Variants in GDF1 observed in about 807,000 individuals in gnomAD.
GDF1 encodes growth differentiation factor 1, also known as embryonic growth/differentiation factor 1.
Under a neutral mutation model 7.4 loss-of-function variants are expected in GDF1, and 8 were observed. The ratio of observed to expected loss-of-function variants is 1.09; its 90% CI spans 0.64 to 1.96. The LOEUF (loss-of-function observed/expected upper bound fraction) is 1.96. Among genes scored for constraint, GDF1 ranks in the 30% most tolerant of loss-of-function variants. The pLI, the probability that GDF1 is intolerant of heterozygous loss-of-function variation, is 0.00. For synonymous variants in GDF1, 311 were observed against 276.7 expected, an observed-to-expected ratio of 1.12 and a Z score of -1.23; for missense variants, 574 against 551.5, an observed-to-expected ratio of 1.04 and a Z score of -0.41.
chr19:18,875,932 T>G (rs2056053035), intron 6 of GDF1, among the ~76,000 whole-genome samples: 1 of 152,254 alleles, frequency 6.6e-6, no homozygotes, highest in African/African-American at 2.4e-5. Context: ...ACCGCCCAGC[T>G]GACCTTGATT....
In GDF1 at chr19:18,878,137, G is replaced by A. The variant is rs1187818848; in HGVS notation, c.-313+793C>T. ...TCCCACGTCACCGATGGCCCCCACC[G>A]GCCAAATCAGAGGGCCTGGCTGGTC... On this transcript the variant is annotated intron_variant, in intron 6 of 7. Transcript: ENST00000247005. The surrounding 1 kb of genome is among the most constrained non-coding windows in gnomAD (Gnocchi z 4.6). The A allele has an allele frequency of 3.3e-5, 33 of 985,366 alleles. 1 individual carries two copies. Among genetic ancestry groups the A allele is most frequent in the Middle Eastern group, 5.2e-4 (1 of 1,936 alleles). 61.0% of individuals were successfully genotyped at this position (985,366 alleles called of 1,614,324 possible).
At chr19:18,894,104 G>A (rs1276723693) in intron 1 of GDF1, among the ~76,000 whole-genome samples, 1 of 151,734 alleles carries the variant, frequency 6.6e-6, no homozygotes, top group Non-Finnish European at 1.5e-5. Context: ...TGGGAACCTG[G>A]GGGCGATGAA....
In GDF1 at chr19:18,868,883, T is replaced by C; in HGVS notation, c.833A>G (p.Glu278Gly). Residue 278 changes from glutamate to glycine, a missense_variant, in exon 8 of 8, where the codon GAG (glutamate) becomes GGG (glycine). Glu to Gly is a moderately conservative substitution (Grantham distance 98). Transcript: ENST00000247005. ...RARRLYVSFR[E>G]VGWHRWVIAP... ...GATGACCCAGCGGTGCCAGCCCACC[T>C]CGCGGAAGCTCACGTACAGCCGCCG... 1.4e-6 allele frequency: 2 copies of C among 1,430,892 alleles called. No homozygotes were observed. Among genetic ancestry groups the C allele is most frequent in the South Asian group, 2.5e-5 (2 of 80,498 alleles). The allele number at this position is 1,430,892 out of a possible 1,614,324, so 88.6% of individuals were successfully genotyped here.
intron 7 of GDF1, 77 bp from the exon 8 acceptor site, chr19:18,869,467 G>A: frequency 6.7e-7 from 1 of 1,490,806 alleles, no homozygotes; most frequent in Non-Finnish European, 8.9e-7. Flanking sequence ...GGGACAGGGA[G>A]GAAGGTGAAC....
At chr19:18,889,335 A>C (rs554274719) in intron 2 of GDF1, among the ~76,000 whole-genome samples, 43 of 152,150 alleles carry the variant, frequency 2.8e-4, no homozygotes, top group Non-Finnish European at 2.8e-4. Flanking sequence ...CCACCTTTCC[A>C]ACAGAGGCCC....
rs371463042 is a variant in GDF1 at position 18,878,932 on chromosome 19, G to A, written c.-315C>T. On this transcript the variant is annotated splice_region_variant and 5_prime_UTR_variant, in exon 6 of 8. Transcript: ENST00000247005. This position sits in a 1 kb window ranked among gnomAD's most constrained non-coding sequence, Gnocchi z 4.6. The stretch of plus-strand genomic sequence containing the variant: ...GGTGCGGGCCCCTCCACACTCACTC[G>A]GCTTTGCTGGGCTTCAGGCTCTGGG... 1.9e-5 allele frequency: 31 copies of A among 1,613,498 alleles called. No homozygotes were observed. Among genetic ancestry groups the A allele is most frequent in the South Asian group, 5.5e-5 (5 of 91,046 alleles).
chr19:18,894,134 G>A (rs2056566555), intron 1 of GDF1, among the ~76,000 whole-genome samples: 1 of 151,854 alleles, frequency 6.6e-6, no homozygotes, highest in South Asian at 2.1e-4. Context: ...GGGGCTGGAG[G>A]CAGAAAAAGG....
chr19:18,885,146 T>G (rs2056318191), intron 2 of GDF1, among the ~76,000 whole-genome samples: 1 of 152,182 alleles, frequency 6.6e-6, no homozygotes, highest in Non-Finnish European at 1.5e-5. Flanking sequence ...AAGTGGTATA[T>G]TTGCTACAAA....
chr19:18,875,244 A>G (rs1027807387), intron 6 of GDF1, among the ~76,000 whole-genome samples: 15 of 151,626 alleles, frequency 9.9e-5, no homozygotes, highest in Admixed American at 7.9e-4. Flanking sequence ...TAAAAAAAAA[A>G]AAAAAGAAAG....
At chr19:18,885,581 G>A (rs1355400150) in intron 2 of GDF1, among the ~76,000 whole-genome samples, 12 of 149,484 alleles carry the variant, frequency 8.0e-5, no homozygotes, top group African/African-American at 3.0e-4. Flanking sequence ...GTGCAGTGGC[G>A]GGATCTCGGC....
chr19:18,876,387 C>T (rs2056061053), intron 6 of GDF1, among the ~76,000 whole-genome samples: 2 of 152,002 alleles, frequency 1.3e-5, no homozygotes, highest in African/African-American at 2.4e-5. Context: ...GGGTCTTGCT[C>T]TGTTGCTCTG....
intron 3 of GDF1, among the ~76,000 whole-genome samples, chr19:18,881,477 C>A (rs1016577961): frequency 4.6e-5 from 7 of 152,064 alleles, no homozygotes; most frequent in Non-Finnish European, 1.0e-4. Flanking sequence ...GCCTTGGCCT[C>A]CCGAAGTGCT....
Position 18,878,247 on chromosome 19 carries a change from G to A in GDF1, c.-313+683C>T, listed in dbSNP as rs1428326309. 10 of 985,496 alleles carry A rather than the reference G, an allele frequency of 1.0e-5. No homozygotes were observed. Among genetic ancestry groups the A allele is most frequent in the Admixed American group, 6.2e-5 (1 of 16,226 alleles). 61.0% of individuals were successfully genotyped at this position (985,496 alleles called of 1,614,324 possible). ...GTTGCCTATGAGACACTGCACACCCGACTCTGCTTGTTACCCAGTTTGGCC... is the reference window on the plus strand; with the variant it reads ...GTTGCCTATGAGACACTGCACACCCAACTCTGCTTGTTACCCAGTTTGGCC... On this transcript the variant is annotated intron_variant, in intron 6 of 7. Transcript: ENST00000247005. The surrounding 1 kb of genome is among the most constrained non-coding windows in gnomAD (Gnocchi z 4.6).
chr19:18,894,719 G>A lies in GDF1; in HGVS notation c.-1074+1105C>T, dbSNP rs2056583401. 3.9e-5 allele frequency among the ~76,000 whole-genome samples: 6 copies of A among 152,182 alleles called. No individual in the cohort carries two copies. In the South Asian group the frequency reaches 1.2e-3, roughly 31 times the overall value. Reference sequence around the variant, plus strand: ...CCCTGTCTCCCCCTCCCACAGTAGGGGTGTGGCTGGGGTCTCTCCCTCATG... The same window carrying A: ...CCCTGTCTCCCCCTCCCACAGTAGGAGTGTGGCTGGGGTCTCTCCCTCATG... On this transcript the variant is annotated intron_variant, in intron 1 of 7. Coordinates refer to ENST00000247005, the MANE Select transcript of GDF1 (RefSeq NM_001492.6).
At chr19:18,875,471 A>G (rs1313540054) in intron 6 of GDF1, among the ~76,000 whole-genome samples, 3 of 150,718 alleles carry the variant, frequency 2.0e-5, no homozygotes, top group Non-Finnish European at 3.0e-5. Context: ...TGAACCTGGG[A>G]GGCGGAGGTT....
intron 3 of GDF1, 75 bp downstream of exon 3, chr19:18,884,012 G>T: frequency 6.8e-7 from 1 of 1,478,156 alleles, no homozygotes. Context: ...CCTCCTCTGT[G>T]CCCCGCCGCA....
intron 2 of GDF1, 44 bp from the exon 3 acceptor site, chr19:18,884,311 T>C (rs1402177197): frequency 3.9e-6 from 6 of 1,552,040 alleles, no homozygotes; most frequent in East Asian, 2.3e-5. Context: ...GCGAAGCCTC[T>C]AGACGATCGC....
chr19:18,875,619 A>T (rs2146000430), intron 6 of GDF1, among the ~76,000 whole-genome samples: 1 of 151,874 alleles, frequency 6.6e-6, no homozygotes, highest in South Asian at 2.1e-4. Context: ...TCTGCTGTGG[A>T]GAGCTTTCTT....
chr19:18,876,016 G>A (rs1427484568), intron 6 of GDF1, among the ~76,000 whole-genome samples: 1 of 152,206 alleles, frequency 6.6e-6, no homozygotes, highest in Admixed American at 6.5e-5. Flanking sequence ...TGTTCCTTTT[G>A]TTATAGAGTT....
Sources: allele counts gnomAD v4.1 joint callset (sites outside exome capture counted in the v4.1 genomes callset), GRCh38; gene constraint gnomAD v4.1.1; non-coding constraint Gnocchi (gnomAD v3.1); transcripts MANE v1.5; gene names NCBI Gene and HGNC (gene_info 2026-07-23, HGNC 2026-07-21).